GALNT13: variants seen among roughly 807,000 people sequenced by gnomAD.
The protein encoded by GALNT13 is UDP-GalNAc:polypeptide N-acetylgalactosaminyltransferase 13.
A neutral mutation model predicts 64.2 loss-of-function variants in GALNT13; 28 were observed. The ratio of observed to expected loss-of-function variants is 0.44; its 90% CI spans 0.32 to 0.60. GALNT13 has a LOEUF of 0.60. Among genes scored for constraint, GALNT13 ranks in the 20% least tolerant of loss-of-function variants. GALNT13 has a pLI of 0.05. For missense variants in GALNT13, 577 were observed against 669.8 expected (o/e 0.86, Z 1.53); for synonymous variants, 214 against 224.6 (o/e 0.95, Z 0.42).
intron 3 of GALNT13, among the ~76,000 whole-genome samples, chr2:154,021,207 C>G (rs1312981603): frequency 6.6e-6 from 1 of 152,016 alleles, no homozygotes; most frequent in East Asian, 1.9e-4. Flanking sequence ...TCCATATGAA[C>G]TTTAAATTAG....
At chr2:153,688,568 A>G in the GALNT13 span, among the ~76,000 whole-genome samples, 3 of 152,056 alleles carry the variant, frequency 2.0e-5, no homozygotes, top group Non-Finnish European at 4.4e-5. Context: ...ATATAGTATT[A>G]CAACATAGGT....
At chr2:153,556,726 A>G in the GALNT13 span, among the ~76,000 whole-genome samples, 4 of 152,120 alleles carry the variant, frequency 2.6e-5, no homozygotes, top group Non-Finnish European at 5.9e-5. Context: ...ATACCTAAAT[A>G]TTCTTAAATT....
chr2:154,036,052 A>G (rs934936647), intron 3 of GALNT13, among the ~76,000 whole-genome samples: 2 of 151,910 alleles, frequency 1.3e-5, no homozygotes, highest in African/African-American at 4.8e-5. Flanking sequence ...CTGATTGGTT[A>G]TTTCTCCCCT....
In GALNT13 at chr2:153,900,591, T is replaced by G. The variant is rs75152576; in HGVS notation, c.-176-345T>G. 6.0e-3 allele frequency among the ~76,000 whole-genome samples: 907 copies of G among 152,310 alleles called. 13 individuals are homozygous for G. Among genetic ancestry groups the G allele is most frequent in the African/African-American group, 0.02 (846 of 41,572 alleles). ...AATAATCACCTCAACTCTCCACGTA[T>G]ATTTACTTATGAACATCTCATATTT... On this transcript the variant is annotated intron_variant, in intron 1 of 12. Transcript: ENST00000392825.
At chr2:153,667,661 A>T in the GALNT13 span, among the ~76,000 whole-genome samples, 1 of 152,224 alleles carries the variant, frequency 6.6e-6, no homozygotes, top group African/African-American at 2.4e-5. Flanking sequence ...ATTACCAGCC[A>T]CTACAAAGAT....
At chr2:153,990,131 G>A (rs1422975526) in intron 3 of GALNT13, among the ~76,000 whole-genome samples, 1 of 151,964 alleles carries the variant, frequency 6.6e-6, no homozygotes, top group East Asian at 1.9e-4. Flanking sequence ...GTAGACTGGT[G>A]CTTTTTTTCA....
chr2:153,520,679 C>T, the GALNT13 span, among the ~76,000 whole-genome samples: 3 of 152,152 alleles, frequency 2.0e-5, no homozygotes, highest in Non-Finnish European at 4.4e-5. Context: ...ATTGACTGCC[C>T]TACTGCTTTT....
the GALNT13 span, among the ~76,000 whole-genome samples, chr2:153,214,476 A>G: frequency 6.6e-6 from 1 of 152,050 alleles, no homozygotes; most frequent in African/African-American, 2.4e-5. Flanking sequence ...CCCACTCTCT[A>G]TAAAATCAAG....
At chr2:153,169,763 T>G in the GALNT13 span, among the ~76,000 whole-genome samples, 1 of 152,158 alleles carries the variant, frequency 6.6e-6, no homozygotes, top group Non-Finnish European at 1.5e-5. Context: ...ATTATTTTCT[T>G]TGTCTTTTCA....
the GALNT13 span, among the ~76,000 whole-genome samples, chr2:153,169,014 T>TA: frequency 2.9e-4 from 43 of 149,994 alleles, no homozygotes; most frequent in South Asian, 1.3e-3. Flanking sequence ...AACTATAGTT[T>TA]AAAAAAAAAA....
chr2:153,166,620 C>CGTGTGTGTGT, the GALNT13 span, among the ~76,000 whole-genome samples: 35 of 72,664 alleles, frequency 4.8e-4, no homozygotes, highest in South Asian at 1.1e-3. Context: ...TTGCCTACTG[C>CGTGTGTGTGT]ATGTGTGTGT....
intron 3 of GALNT13, among the ~76,000 whole-genome samples, chr2:154,063,899 A>G (rs1700323386): frequency 6.6e-6 from 1 of 152,210 alleles, no homozygotes; most frequent in Non-Finnish European, 1.5e-5. Flanking sequence ...ACAAAAAAGC[A>G]GCACCTTCAT....
At chr2:153,417,329 A>G in the GALNT13 span, among the ~76,000 whole-genome samples, 1 of 152,166 alleles carries the variant, frequency 6.6e-6, no homozygotes, top group Non-Finnish European at 1.5e-5. Flanking sequence ...GGCCCAGTCA[A>G]TTTTCTTGGT....
chr2:153,997,753 C>CATCT (rs1695618899), intron 3 of GALNT13, among the ~76,000 whole-genome samples: 1 of 152,138 alleles, frequency 6.6e-6, no homozygotes, highest in Non-Finnish European at 1.5e-5. Flanking sequence ...ATCAACCTGT[C>CATCT]ATCTACATTA....
the GALNT13 span, among the ~76,000 whole-genome samples, chr2:153,070,526 A>C: frequency 1.3e-5 from 2 of 152,228 alleles, no homozygotes; most frequent in Non-Finnish European, 2.9e-5. Context: ...ACACAAATGC[A>C]AGATGCTAAT....
the GALNT13 span, among the ~76,000 whole-genome samples, chr2:153,542,154 C>A: frequency 2.6e-5 from 4 of 151,914 alleles, no homozygotes; most frequent in African/African-American, 9.7e-5. Context: ...CCCATCTCTA[C>A]TAAAAATACA....
At chr2:153,086,712 T>A in the GALNT13 span, among the ~76,000 whole-genome samples, 1,487 of 144,186 alleles carry the variant, frequency 0.01, 13 homozygotes, top group Non-Finnish European at 0.017. Flanking sequence ...TATTTTATTT[T>A]ATTTATTTTA....
At chr2:153,463,270 A>G in the GALNT13 span, among the ~76,000 whole-genome samples, 1 of 152,028 alleles carries the variant, frequency 6.6e-6, no homozygotes. Context: ...TAGCCGACCC[A>G]CCCCAAATCC....
rs1189877773 is a variant in GALNT13 at position 154,060,129 on chromosome 2, G to A, written c.143-80208G>A. On this transcript the variant is annotated intron_variant, in intron 3 of 12. Transcript: ENST00000392825. Reference sequence around the variant, plus strand: ...CCTCCACCTATATGAGTGAACATTTGCAAACCAGGAAGATGGCTGCCACTA... The same window carrying A: ...CCTCCACCTATATGAGTGAACATTTACAAACCAGGAAGATGGCTGCCACTA... Among the ~76,000 whole-genome samples the A allele has an allele frequency of 3.9e-5, 6 of 152,144 alleles. No individual in the cohort carries two copies. The South Asian group carries it at 1.0e-3, about 26-fold the overall frequency.
Sources: allele counts gnomAD v4.1 joint callset (sites outside exome capture counted in the v4.1 genomes callset), GRCh38; gene constraint gnomAD v4.1.1; transcripts MANE v1.5; gene names NCBI Gene and HGNC (gene_info 2026-07-23, HGNC 2026-07-21).